The following DENND1A variants were observed in gnomAD, a reference collection of about 807,000 sequenced individuals.
DENND1A encodes the protein DENN domain containing 1A, also known as DENN domain-containing protein 1A.
In DENND1A, 51 loss-of-function variants were observed where a neutral mutation model predicts 113.7. The observed-to-expected ratio is 0.45, with a 90% CI of 0.36 to 0.57. The LOEUF is 0.57. Ranked by LOEUF, DENND1A falls within the 20% of genes least tolerant of loss-of-function variation. DENND1A has a pLI of 0.00. For synonymous variants in DENND1A, 565 were observed against 570.8 expected (o/e 0.99, Z 0.14); for missense variants, 1,258 against 1,395.9 (o/e 0.90, Z 1.57).
At chr9:123,699,128 C>T (rs996558702) in intron 5 of DENND1A, among the ~76,000 whole-genome samples, 1 of 151,782 alleles carries the variant, frequency 6.6e-6, no homozygotes, top group African/African-American at 2.4e-5. Flanking sequence ...TTAAATAATA[C>T]AATTCATAAA....
chr9:123,700,323 C>T (rs2065808503), intron 5 of DENND1A, among the ~76,000 whole-genome samples: 1 of 152,116 alleles, frequency 6.6e-6, no homozygotes, highest in Admixed American at 6.5e-5. Flanking sequence ...CTCTATAGAT[C>T]AATTTGGGGA....
intron 13 of DENND1A, among the ~76,000 whole-genome samples, chr9:123,464,123 G>T (rs985581692): frequency 2.0e-5 from 3 of 152,130 alleles, no homozygotes; most frequent in African/African-American, 7.2e-5. Context: ...ACTTTTGGAA[G>T]ATCCATCCAC....
At chr9:123,838,348 G>A (rs933889566) in intron 2 of DENND1A, among the ~76,000 whole-genome samples, 1 of 152,072 alleles carries the variant, frequency 6.6e-6, no homozygotes, top group African/African-American at 2.4e-5. Context: ...ATATGTCTGT[G>A]TATGTGTATA....
At chr9:123,694,390 G>A (rs2065376640) in intron 5 of DENND1A, among the ~76,000 whole-genome samples, 1 of 152,160 alleles carries the variant, frequency 6.6e-6, no homozygotes, top group African/African-American at 2.4e-5. Context: ...AAGAAAGTGG[G>A]AGATCAGCCA....
chr9:123,564,854 T>C (rs2057960457), intron 12 of DENND1A, among the ~76,000 whole-genome samples: 1 of 152,170 alleles, frequency 6.6e-6, no homozygotes. Flanking sequence ...TATCACTTCC[T>C]CTGTTGAACT....
At chr9:123,687,190 T>C (rs1427003733) in intron 5 of DENND1A, among the ~76,000 whole-genome samples, 2 of 151,924 alleles carry the variant, frequency 1.3e-5, no homozygotes, top group Admixed American at 1.3e-4. Context: ...AAAAGTAATG[T>C]TTTAGGAGGC....
At chr9:123,484,874 C>T (rs537348921) in intron 13 of DENND1A, among the ~76,000 whole-genome samples, 1 of 152,354 alleles carries the variant, frequency 6.6e-6, no homozygotes, top group South Asian at 2.1e-4. Context: ...ACTCTCCTCA[C>T]ACCCTCCCTA....
intron 9 of DENND1A, among the ~76,000 whole-genome samples, chr9:123,644,129 G>C (rs953473613): frequency 5.3e-5 from 8 of 151,962 alleles, no homozygotes; most frequent in Non-Finnish European, 1.0e-4. Context: ...TCTGCAAAGG[G>C]AGAAGAAAAC....
At chr9:123,488,247 C>G (rs772902224) in intron 13 of DENND1A, among the ~76,000 whole-genome samples, 1 of 152,242 alleles carries the variant, frequency 6.6e-6, no homozygotes, top group Non-Finnish European at 1.5e-5. Flanking sequence ...GTGCTTCCCC[C>G]TCCCCCAGCT....
chr9:123,630,204 CTTTTTTTTTTTTTT>C (rs11324537), intron 10 of DENND1A, among the ~76,000 whole-genome samples, 158 bp downstream of exon 10: 1 of 94,068 alleles, frequency 1.1e-5, no homozygotes, highest in Admixed American at 1.2e-4. Context: ...CCATGACTGG[CTTTTTTTTTTTTTT>C]TTTTTTTTGT....
At chr9:123,501,752 A>T (rs2052506281) in intron 13 of DENND1A, among the ~76,000 whole-genome samples, 1 of 152,228 alleles carries the variant, frequency 6.6e-6, no homozygotes, top group Non-Finnish European at 1.5e-5. Context: ...GGCACCATCT[A>T]ATCAGCTGCC....
chr9:123,878,865 T>G, intron 2 of DENND1A, 86 bp downstream of exon 2: 2 of 1,321,136 alleles, frequency 1.5e-6, no homozygotes, highest in Non-Finnish European at 2.1e-6. Context: ...AAATAACAAT[T>G]TACTCATATT....
chr9:123,453,796 T>C (rs1444076444), intron 16 of DENND1A, among the ~76,000 whole-genome samples: 3 of 152,222 alleles, frequency 2.0e-5, no homozygotes, highest in African/African-American at 7.2e-5. Flanking sequence ...TTCTATGTTG[T>C]AGGACAATGG....
chr9:123,549,468 G>A (rs991176170), intron 13 of DENND1A, among the ~76,000 whole-genome samples: 5 of 152,018 alleles, frequency 3.3e-5, no homozygotes, highest in African/African-American at 9.7e-5. Context: ...TTGAGCCACC[G>A]CGAGGCTGAG....
chr9:123,922,683 T>C (rs539533959), intron 1 of DENND1A, among the ~76,000 whole-genome samples: 1 of 152,312 alleles, frequency 6.6e-6, no homozygotes, highest in African/African-American at 2.4e-5. Flanking sequence ...ATATCCTGTA[T>C]TTCAGCTTTA....
chr9:123,726,152 G>A (rs2067691537), intron 5 of DENND1A, among the ~76,000 whole-genome samples: 3 of 152,152 alleles, frequency 2.0e-5, no homozygotes, highest in South Asian at 4.1e-4. Context: ...AATAAAATGT[G>A]TTAATTTTTA....
At chr9:123,872,032 A>T (rs1272609271) in intron 2 of DENND1A, among the ~76,000 whole-genome samples, 1 of 152,178 alleles carries the variant, frequency 6.6e-6, no homozygotes, top group African/African-American at 2.4e-5. Context: ...CCCTCTTCCG[A>T]GACCTTTGGT....
chr9:123,876,805 A>G (rs2133515944), intron 2 of DENND1A, among the ~76,000 whole-genome samples: 1 of 152,360 alleles, frequency 6.6e-6, no homozygotes, highest in South Asian at 2.1e-4. Context: ...TACAATAGCA[A>G]AGATACAGAA....
intron 13 of DENND1A, among the ~76,000 whole-genome samples, chr9:123,520,125 G>A (rs1175180099): frequency 8.7e-6 from 1 of 115,392 alleles, no homozygotes; most frequent in African/African-American, 3.4e-5. Context: ...TCTAGCCTGG[G>A]AAACAGAGCA....
Sources: allele counts gnomAD v4.1 joint callset (sites outside exome capture counted in the v4.1 genomes callset), GRCh38; gene constraint gnomAD v4.1.1; transcripts MANE v1.5; gene names NCBI Gene and HGNC (gene_info 2026-07-23, HGNC 2026-07-21).